The following TTC7A variants were observed in gnomAD, a reference collection of about 807,000 sequenced individuals.
TTC7A encodes the protein tetratricopeptide repeat protein 7A.
Under a neutral mutation model 103.7 loss-of-function variants are expected in TTC7A, and 110 were observed. The observed-to-expected ratio is 1.06, with a 90% confidence interval of 0.91 to 1.24. TTC7A has a LOEUF of 1.24. Ranked by LOEUF, TTC7A falls within the 50% of genes most tolerant of loss-of-function variation. The pLI, the probability that TTC7A is intolerant of heterozygous loss-of-function variation, is 0.00. For missense variants in TTC7A, 1,340 were observed against 1,116.3 expected (o/e 1.20, Z -2.86); for synonymous variants, 521 against 467.9 (o/e 1.11, Z -1.47).
intron 2 of TTC7A, among the ~76,000 whole-genome samples, chr2:46,932,823 C>T (rs1250952650): frequency 6.6e-6 from 1 of 150,620 alleles, no homozygotes; most frequent in Non-Finnish European, 1.5e-5. Context: ...ATCGCTTGAA[C>T]CCAGGAGGCA....
chr2:47,064,565 G>A (rs965192557), intron 19 of TTC7A, among the ~76,000 whole-genome samples: 3 of 152,204 alleles, frequency 2.0e-5, no homozygotes, highest in East Asian at 1.9e-4. Context: ...AGGGACCCCC[G>A]GCAGCCTGCA....
chr2:46,987,478 C>G (rs754316692), intron 5 of TTC7A, among the ~76,000 whole-genome samples: 3 of 152,170 alleles, frequency 2.0e-5, no homozygotes, highest in Non-Finnish European at 2.9e-5. Flanking sequence ...GGGCATCTCC[C>G]AAGGACAAGA....
intron 2 of TTC7A, among the ~76,000 whole-genome samples, chr2:46,933,948 G>A (rs1019695109): frequency 9.2e-5 from 14 of 152,178 alleles, no homozygotes; most frequent in African/African-American, 3.1e-4. Flanking sequence ...GGTGGGGAGG[G>A]CATCTCATTA....
At chr2:46,971,067 G>T (rs1424167951) in intron 3 of TTC7A, among the ~76,000 whole-genome samples, 1 of 152,242 alleles carries the variant, frequency 6.6e-6, no homozygotes, top group African/African-American at 2.4e-5. Flanking sequence ...TGTCAGACAT[G>T]ACCAGGCTTG....
intron 4 of TTC7A, among the ~76,000 whole-genome samples, chr2:46,977,509 A>G (rs926537359): frequency 2.0e-5 from 3 of 152,146 alleles, no homozygotes; most frequent in Non-Finnish European, 4.4e-5. Flanking sequence ...TTAATGAGGT[A>G]ATTGTTCCTC....
chr2:46,969,088 T>A (rs1421371924), intron 3 of TTC7A, among the ~76,000 whole-genome samples: 1 of 152,090 alleles, frequency 6.6e-6, no homozygotes, highest in African/African-American at 2.4e-5. Flanking sequence ...TGATATAGAT[T>A]AATTTGCTTT....
At chr2:46,956,690 G>A (rs189297371) in intron 2 of TTC7A, 149 bp from the exon 3 acceptor site, 16 of 763,250 alleles carry the variant, frequency 2.1e-5, no homozygotes, top group African/African-American at 1.0e-4. Flanking sequence ...GGGAGCTGTC[G>A]GCATGTGCTT....
chr2:46,941,741 G>A lies in TTC7A; in HGVS notation c.184+16G>A, dbSNP rs964943097. Reference sequence around the variant, plus strand: ...CCGGACACCGGTGAGTAAGGGAAGAGGCTGGCTCGCCGGCAGCGAGCGCGC... The same window carrying A: ...CCGGACACCGGTGAGTAAGGGAAGAAGCTGGCTCGCCGGCAGCGAGCGCGC... On this transcript the variant is annotated intron_variant, in intron 1 of 19. Coordinates refer to ENST00000319190, the MANE Select transcript of TTC7A (RefSeq NM_020458.4). This position sits in a 1 kb window ranked among gnomAD's most constrained non-coding sequence, Gnocchi z 4.2. The A allele has an allele frequency of 1.3e-6, 2 of 1,548,382 alleles. No homozygotes were observed. Among genetic ancestry groups the A allele is most frequent in the Non-Finnish European group, 1.7e-6 (2 of 1,146,214 alleles).
chr2:46,968,456 C>T (rs1210774055), intron 3 of TTC7A, among the ~76,000 whole-genome samples: 1 of 152,126 alleles, frequency 6.6e-6, no homozygotes, highest in Admixed American at 6.5e-5. Context: ...GAAACCCAAG[C>T]CTGCAGCACC....
At chr2:46,917,229 A>C (rs1348089574) in exon 2 of TTC7A, 2 of 701,112 alleles carry the variant, frequency 2.9e-6, no homozygotes, top group Admixed American at 4.0e-5. Flanking sequence ...TCCTGGGTTC[A>C]AGCAATCCTC....
rs1194847118 is a variant in TTC7A, at chr2:47,075,108, C to G, written c.*1185C>G. Reference sequence around the variant, plus strand: ...CCTGGTTCATCATAGCTCCACCTTCCTCGGAAGGAGTGGGCTGTTGGAGAC... The same window carrying G: ...CCTGGTTCATCATAGCTCCACCTTCGTCGGAAGGAGTGGGCTGTTGGAGAC... On this transcript the variant is annotated 3_prime_UTR_variant, in exon 20 of 20. Transcript: ENST00000319190. 6.6e-6 allele frequency: 1 copy of G among 152,240 alleles called. No homozygotes were observed. The allele number at this position is 152,240 out of a possible 1,614,324, so 9.4% of individuals were successfully genotyped here.
In TTC7A at chr2:47,006,207, G is replaced by C. The variant is rs1677362105; in HGVS notation, c.1203+148G>C. The stretch of plus-strand genomic sequence containing the variant: ...ACCTCGGCAAGTTGTACAAGTCTCA[G>C]CTTCCTCATTGGTGAAATATGGGTA... On this transcript the variant is annotated intron_variant, in intron 9 of 19. Transcript: ENST00000319190. 7 of 1,067,742 alleles carry C rather than the reference G, an allele frequency of 6.6e-6. No homozygotes were observed. The South Asian group carries it at 1.1e-4, about 17-fold the overall frequency. 66.1% of individuals were successfully genotyped at this position (1,067,742 alleles called of 1,614,324 possible).
chr2:46,917,812 CA>C (rs1668893149), intron 2 of TTC7A, among the ~76,000 whole-genome samples: 1 of 152,172 alleles, frequency 6.6e-6, no homozygotes, highest in African/African-American at 2.4e-5. Flanking sequence ...TTATCAAAGC[CA>C]ACCACTCTCA....
Position 46,974,677 on chromosome 2 carries a change from C to T in TTC7A, c.518-296C>T, listed in dbSNP as rs553019948. On this transcript the variant is annotated intron_variant, in intron 3 of 19. Transcript: ENST00000319190. ...TTTTTTAAAAAACCTCATTCTCTTT[C>T]GCTTAGAAAAATGGGGATACTGCGT... 8.9e-5 allele frequency: 46 copies of T among 514,060 alleles called. 3 individuals carry two copies. Among genetic ancestry groups the T allele is most frequent in the South Asian group, 2.8e-4 (18 of 64,932 alleles). 31.8% of individuals were successfully genotyped at this position (514,060 alleles called of 1,614,324 possible). A position where few individuals can be genotyped will look rare whatever the true frequency, so the allele number is the denominator to read the frequency against.
intron 2 of TTC7A, among the ~76,000 whole-genome samples, chr2:46,925,901 T>C (rs1246562251): frequency 6.6e-6 from 1 of 152,162 alleles, no homozygotes; most frequent in African/African-American, 2.4e-5. Flanking sequence ...CTGCCTTGAG[T>C]TCTTAGATAC....
intron 11 of TTC7A, among the ~76,000 whole-genome samples, chr2:47,015,985 G>C (rs1036292): frequency 6.6e-6 from 1 of 151,970 alleles, no homozygotes; most frequent in Admixed American, 6.6e-5. Flanking sequence ...AAAACTCTGC[G>C]GGCTCAGAAA....
chr2:46,959,381 A>C (rs1257646020), intron 3 of TTC7A, among the ~76,000 whole-genome samples: 1 of 152,034 alleles, frequency 6.6e-6, no homozygotes, highest in Non-Finnish European at 1.5e-5. Flanking sequence ...TCCATTTTTC[A>C]CAGGAGTCTG....
intron 3 of TTC7A, among the ~76,000 whole-genome samples, chr2:46,973,721 G>T (rs549989511): frequency 1.3e-5 from 2 of 152,076 alleles, no homozygotes; most frequent in East Asian, 1.9e-4. Context: ...TGCCCAAATC[G>T]TGCCAGTAGC....
At chr2:47,023,038 G>C (rs1259060445) in intron 12 of TTC7A, among the ~76,000 whole-genome samples, 3 of 152,230 alleles carry the variant, frequency 2.0e-5, no homozygotes, top group Non-Finnish European at 4.4e-5. Context: ...TGCCTGGTTT[G>C]GGTTCAAACT....
Sources: gnomAD v4.1 joint callset for allele counts (sites outside exome capture counted in the v4.1 genomes callset) on GRCh38, gnomAD v4.1.1 for gene constraint, Gnocchi (gnomAD v3.1) non-coding constraint, MANE v1.5 for transcripts, NCBI Gene and HGNC (gene_info 2026-07-23, HGNC 2026-07-21) for gene names.